CPT1C: variants seen among roughly 807,000 people sequenced by gnomAD.
CPT1C encodes carnitine palmitoyltransferase 1C, also known as palmitoyl thioesterase CPT1C.
In CPT1C, 61 loss-of-function variants were observed where a neutral mutation model predicts 97.3. That is an observed-to-expected ratio of 0.63 (90% CI 0.51 to 0.78). CPT1C has a LOEUF of 0.78. Ranked by LOEUF, CPT1C falls within the 30% of genes least tolerant of loss-of-function variation. The probability of loss-of-function intolerance (pLI) is 0.00; values close to 1 mark genes in which losing one functional copy is unlikely to be tolerated. For synonymous variants in CPT1C, 469 were observed against 447.2 expected (o/e 1.05, Z -0.61); for missense variants, 975 against 1,065.5 (o/e 0.92, Z 1.18).
intron 5 of CPT1C, 40 bp downstream of exon 5, chr19:49,700,895 C>A (rs757966415): frequency 6.3e-7 from 1 of 1,583,932 alleles, no homozygotes; most frequent in Non-Finnish European, 8.6e-7. Context: ...TCTCCTGGGA[C>A]CCGCTTATCT....
chr19:49,705,885 T>C (rs2123414700), intron 10 of CPT1C, 24 bp from the exon 11 acceptor site: 2 of 1,596,260 alleles, frequency 1.3e-6, no homozygotes, highest in Non-Finnish European at 1.7e-6. Flanking sequence ...CCTGCCCCCA[T>C]GCTTCTGCCA....
At chr19:49,711,734 C>G in intron 16 of CPT1C, 75 bp from the exon 17 acceptor site, 1 of 1,476,184 alleles carries the variant, frequency 6.8e-7, no homozygotes, top group Non-Finnish European at 9.1e-7. Context: ...TCAGTTGAGG[C>G]CAGATGTGCC....
At chr19:49,693,874 C>T (rs140414149) in intron 3 of CPT1C, among the ~76,000 whole-genome samples, 4 of 152,068 alleles carry the variant, frequency 2.6e-5, no homozygotes, top group East Asian at 1.9e-4. Context: ...CTGGCTAACA[C>T]GGTGAAACCC....
intron 4 of CPT1C, among the ~76,000 whole-genome samples, chr19:49,698,808 A>T (rs2123212855): frequency 6.6e-6 from 1 of 152,086 alleles, no homozygotes; most frequent in South Asian, 2.1e-4. Context: ...AATTAATCAA[A>T]ATCCTGCCTG....
intron 4 of CPT1C, among the ~76,000 whole-genome samples, chr19:49,698,465 C>G (rs1024777004): frequency 4.0e-5 from 6 of 151,736 alleles, no homozygotes; most frequent in Non-Finnish European, 7.4e-5. Context: ...GAGTTTGAGA[C>G]CAGCCTGGAC....
chr19:49,708,902 C>T (rs987705879), intron 14 of CPT1C, 63 bp downstream of exon 14: 5 of 1,023,828 alleles, frequency 4.9e-6, no homozygotes, highest in African/African-American at 1.6e-5. Flanking sequence ...ACTTCAAACT[C>T]ATCCCCACCC....
intron 7 of CPT1C, 76 bp from the exon 8 acceptor site, chr19:49,704,634 G>C: frequency 8.7e-7 from 1 of 1,145,792 alleles, no homozygotes; most frequent in South Asian, 1.3e-5. Flanking sequence ...GGAGCATCTG[G>C]GGCCTTCCCT....
intron 10 of CPT1C, 94 bp downstream of exon 10, chr19:49,705,392 T>C (rs925547655): frequency 3.9e-6 from 4 of 1,034,054 alleles, no homozygotes; most frequent in African/African-American, 1.6e-5. Context: ...CTGGGAACCA[T>C]TGCTTCCTTG....
At chr19:49,703,232 T>G (rs1476459836) in intron 7 of CPT1C, among the ~76,000 whole-genome samples, 1 of 150,818 alleles carries the variant, frequency 6.6e-6, no homozygotes, top group Non-Finnish European at 1.5e-5. Context: ...TTCTTTGAGA[T>G]GGAGTCTCAC....
rs140411644 is a variant in CPT1C at position 49,700,690 on chromosome 19, A to C, written c.288A>C (p.Gly96=). Residue 96 remains glycine (G), a synonymous_variant, in exon 5 of 20, where the codon GGA becomes GGC. Coordinates refer to ENST00000598293, the MANE Select transcript of CPT1C (RefSeq NM_001199753.2). ...KIKELLPDWG[G]QHHGLRGVLA... ...TCTGTTTCTCTCCCCGCAGGGGTGG[A>C]CAACACCACGGGCTCCGGGGGGTCC... is the stretch of plus-strand genomic sequence containing the variant. 918 of 1,608,394 alleles carry C rather than the reference A, an allele frequency of 5.7e-4. 2 individuals carry two copies. The highest frequency in any genetic ancestry group is 7.3e-4 in the Non-Finnish European group (859 of 1,179,982).
In CPT1C at chr19:49,706,365, C is replaced by A; in HGVS notation, c.1295C>A (p.Ser432Ter). 6.6e-7 allele frequency: 1 copy of A among 1,508,316 alleles called. No homozygotes were observed. The highest frequency in any genetic ancestry group is 8.8e-7 in the Non-Finnish European group (1 of 1,133,578). 93.4% of individuals were successfully genotyped at this position (1,508,316 alleles called of 1,614,324 possible). Reference sequence around the variant, plus strand: ...CTCACCAGGGAGGACCCGGCAGCGTCGTTGGATGCCTACGCCCATGCTCTG... The same window carrying A: ...CTCACCAGGGAGGACCCGGCAGCGTAGTTGGATGCCTACGCCCATGCTCTG... ...AGLTREDPAASLDAYAHALLA... is the reference protein window; with the variant it reads ...AGLTREDPAA The change falls in exon 12 of 20, where the codon TCG (serine) becomes TAG (stop). Residue 432 changes from serine to a stop codon, truncating the protein, a stop_gained. Transcript: ENST00000598293. LOFTEE classifies it high-confidence loss of function. The surrounding 1 kb of genome is among the most constrained non-coding windows in gnomAD (Gnocchi z 4.8).
chr19:49,706,093 A>G lies in CPT1C; in HGVS notation c.1149A>G (p.Thr383=). The G allele has an allele frequency of 6.2e-7, 1 of 1,613,268 alleles. No homozygotes were observed. Among genetic ancestry groups the G allele is most frequent in the East Asian group, 2.2e-5 (1 of 44,858 alleles). The change falls in exon 11 of 20, where the codon ACA becomes ACG. Residue 383 remains threonine (T), a synonymous_variant. Coordinates refer to ENST00000598293, the MANE Select transcript of CPT1C (RefSeq NM_001199753.2). The surrounding 1 kb of genome is among the most constrained non-coding windows in gnomAD (Gnocchi z 4.8). The stretch of plus-strand genomic sequence containing the variant: ...ACGAGGAACATCTGGCAGCTCTGAC[A>G]GCTGCTCCCAGGTAAGGGTCAGGGG... The part of the protein sequence containing the change: ...CPHEEHLAAL[T]AAPRGTWAQV...
chr19:49,694,262 TATTG>T (rs1218571909), intron 3 of CPT1C, among the ~76,000 whole-genome samples: 1 of 152,030 alleles, frequency 6.6e-6, no homozygotes, highest in Non-Finnish European at 1.5e-5. Context: ...TGTCATCTGA[TATTG>T]ATGGTGACAC....
intron 4 of CPT1C, among the ~76,000 whole-genome samples, chr19:49,700,352 AGCTCCCAGGCAGT>A (rs2082942928): frequency 6.6e-6 from 1 of 152,098 alleles, no homozygotes; most frequent in Admixed American, 6.6e-5. Flanking sequence ...ATTTCGAACA[AGCTCCCAGGCAGT>A]GCTCCCAGGA....
In CPT1C at chr19:49,711,934, C is replaced by T; in HGVS notation, c.1992C>T (p.Leu664=). The change falls in exon 17 of 20, where the codon CTC becomes CTT. Residue 664 remains leucine, a synonymous_variant. Transcript: ENST00000598293. Reference sequence around the variant, plus strand: ...CGCTGTACATCGTGTCCCGATTCCTCCACCTGCAGTCGCCCTTCCTGACCC... The same window carrying T: ...CGCTGTACATCGTGTCCCGATTCCTTCACCTGCAGTCGCCCTTCCTGACCC... ...LFALYIVSRF[L]HLQSPFLTQV... is the part of the protein sequence containing the mutation. 6.2e-7 allele frequency: 1 copy of T among 1,614,138 alleles called. No individual in the cohort carries two copies. The highest frequency in any genetic ancestry group is 8.5e-7 in the Non-Finnish European group (1 of 1,179,984).
intron 16 of CPT1C, 190 bp from the exon 17 acceptor site, chr19:49,711,619 C>T: frequency 3.2e-6 from 2 of 633,982 alleles, no homozygotes; most frequent in Admixed American, 3.1e-5. Flanking sequence ...CCGCCTGGCT[C>T]TCCCTGGCTG....
chr19:49,707,697 G>C, intron 13 of CPT1C, 74 bp downstream of exon 13: 2 of 986,706 alleles, frequency 2.0e-6, no homozygotes, highest in Admixed American at 5.1e-5. Flanking sequence ...CAGCGCCTTA[G>C]TGTCAGAAGA....
At position 49,710,491 on chromosome 19, in the gene CPT1C, TG is replaced by T. The variant is rs1568541852; in HGVS notation, c.1731+10del. 6.2e-7 allele frequency: 1 copy of T among 1,614,172 alleles called. No individual in the cohort carries two copies. The highest frequency in any genetic ancestry group is 2.2e-5 in the East Asian group (1 of 44,882). On this transcript the variant is annotated splice_region_variant and intron_variant, in intron 15 of 19. Coordinates refer to ENST00000598293, the MANE Select transcript of CPT1C (RefSeq NM_001199753.2). ...GCAACTGGCCCACTTCCGGGTCAGT[TG>T]GGTTCCCCATCCACAGCCCCCGCAG... is the stretch of plus-strand genomic sequence containing the variant.
In CPT1C at chr19:49,711,167, T is replaced by C. The variant is rs371018043; in HGVS notation, c.1866+310T>C. On this transcript the variant is annotated intron_variant, in intron 16 of 19. Coordinates refer to ENST00000598293, the MANE Select transcript of CPT1C (RefSeq NM_001199753.2). ...GGAGTGCAGTGGCACAATCTCGGCTTACTGCAACCTCTGCCTCTCAGGTTC... is the reference window on the plus strand; with the variant it reads ...GGAGTGCAGTGGCACAATCTCGGCTCACTGCAACCTCTGCCTCTCAGGTTC... The C allele has an allele frequency of 3.2e-3, 603 of 189,426 alleles. 2 individuals are homozygous for C. The highest frequency in any genetic ancestry group is 0.013 in the African/African-American group (563 of 42,772). The allele number at this position is 189,426 out of a possible 1,614,324, so 11.7% of individuals were successfully genotyped here. A position where few individuals can be genotyped will look rare whatever the true frequency, so the allele number is the denominator to read the frequency against.
Sources: allele counts gnomAD v4.1 joint callset (sites outside exome capture counted in the v4.1 genomes callset), GRCh38; gene constraint gnomAD v4.1.1; non-coding constraint Gnocchi (gnomAD v3.1); transcripts MANE v1.5; gene names NCBI Gene and HGNC (gene_info 2026-07-23, HGNC 2026-07-21).